The following DOCK3 variants were observed in gnomAD, a reference collection of about 807,000 sequenced individuals.
The protein encoded by DOCK3 is dedicator of cytokinesis protein 3.
DOCK3 carries 60 observed loss-of-function variants against 265.6 expected under a neutral mutation model. The ratio of observed to expected loss-of-function variants is 0.23; its 90% CI spans 0.18 to 0.28. The LOEUF (loss-of-function observed/expected upper bound fraction) is 0.28. Ranked by LOEUF, DOCK3 falls within the 10% of genes least tolerant of loss-of-function variation. DOCK3 has a pLI of 1.00. For synonymous variants in DOCK3, 881 were observed against 938.0 expected, an observed-to-expected ratio of 0.94 and a Z score of 1.11; for missense variants, 1,981 against 2,594.3, an observed-to-expected ratio of 0.76 and a Z score of 5.14.
intron 27 of DOCK3, among the ~76,000 whole-genome samples, chr3:51,298,703 G>C (rs1294044439): frequency 6.6e-6 from 1 of 152,084 alleles, no homozygotes; most frequent in East Asian, 1.9e-4. Flanking sequence ...GAGGATAATG[G>C]CTTCCAGCTC....
intron 1 of DOCK3, among the ~76,000 whole-genome samples, chr3:50,720,217 C>T (rs1027219858): frequency 6.6e-6 from 1 of 151,812 alleles, no homozygotes; most frequent in African/African-American, 2.4e-5. Context: ...GGAGGTTTGT[C>T]GTATGATTAT....
chr3:51,257,562 G>A (rs903132002), intron 22 of DOCK3, among the ~76,000 whole-genome samples: 1 of 152,132 alleles, frequency 6.6e-6, no homozygotes, highest in Admixed American at 6.6e-5. Flanking sequence ...TCTTCACAAG[G>A]CATTCCAAAA....
At chr3:50,940,432 G>A (rs912830315) in intron 5 of DOCK3, among the ~76,000 whole-genome samples, 3 of 152,012 alleles carry the variant, frequency 2.0e-5, no homozygotes, top group African/African-American at 2.4e-5. Context: ...GTATGCTCAC[G>A]GATTAGAAAA....
At chr3:51,280,919 T>G (rs1209286263) in intron 27 of DOCK3, among the ~76,000 whole-genome samples, 1 of 152,170 alleles carries the variant, frequency 6.6e-6, no homozygotes, top group African/African-American at 2.4e-5. Flanking sequence ...CTTTTGCTAT[T>G]CTTCAGGAAG....
At chr3:51,252,277 G>A (rs1199334618) in intron 22 of DOCK3, among the ~76,000 whole-genome samples, 1 of 152,236 alleles carries the variant, frequency 6.6e-6, no homozygotes, top group Non-Finnish European at 1.5e-5. Flanking sequence ...TTGTAGTATA[G>A]TTTGAAGTCA....
At chr3:50,829,894 T>C (rs994610436) in intron 2 of DOCK3, among the ~76,000 whole-genome samples, 1 of 152,356 alleles carries the variant, frequency 6.6e-6, no homozygotes, top group East Asian at 1.9e-4. Context: ...AGTTTTTTAA[T>C]GTACATTTAT....
At chr3:51,175,739 G>C (rs2086904851) in intron 12 of DOCK3, among the ~76,000 whole-genome samples, 1 of 152,152 alleles carries the variant, frequency 6.6e-6, no homozygotes, top group Admixed American at 6.5e-5. Context: ...GATGGGAGTG[G>C]GGGCCATCCT....
chr3:51,323,929 T>C (rs1158868110), intron 32 of DOCK3, among the ~76,000 whole-genome samples: 1 of 151,916 alleles, frequency 6.6e-6, no homozygotes, highest in Non-Finnish European at 1.5e-5. Flanking sequence ...CAAAATAGAA[T>C]AATAAGAGCT....
At chr3:51,210,160 G>A (rs1252647914) in intron 13 of DOCK3, among the ~76,000 whole-genome samples, 1 of 152,180 alleles carries the variant, frequency 6.6e-6, no homozygotes, top group Non-Finnish European at 1.5e-5. Context: ...TTAAAAGAGA[G>A]ATGATAGTAC....
At chr3:51,034,369 G>T (rs111799869) in intron 5 of DOCK3, among the ~76,000 whole-genome samples, 2,573 of 151,736 alleles carry the variant, frequency 0.017, 53 homozygotes, top group African/African-American at 0.042. Flanking sequence ...TATAATTTAT[G>T]TATCAGCTTT....
intron 5 of DOCK3, among the ~76,000 whole-genome samples, chr3:51,003,661 T>G (rs1386489697): frequency 2.0e-5 from 3 of 152,242 alleles, no homozygotes; most frequent in Non-Finnish European, 4.4e-5. Flanking sequence ...CTATCATTAA[T>G]CAGCTTCTCC....
intron 7 of DOCK3, among the ~76,000 whole-genome samples, chr3:51,085,131 G>A (rs901530267): frequency 5.3e-5 from 8 of 152,174 alleles, no homozygotes; most frequent in African/African-American, 1.7e-4. Context: ...GGATATAACA[G>A]TTGTAAATAT....
chr3:50,969,126 A>G (rs1338201327), intron 5 of DOCK3, among the ~76,000 whole-genome samples: 1 of 152,096 alleles, frequency 6.6e-6, no homozygotes, highest in African/African-American at 2.4e-5. Context: ...TCTTAGGTCA[A>G]GTAGTATTTG....
chr3:51,162,661 C>T (rs1258446825), intron 12 of DOCK3, among the ~76,000 whole-genome samples: 1 of 152,016 alleles, frequency 6.6e-6, no homozygotes, highest in East Asian at 1.9e-4. Context: ...TTATGCCTTC[C>T]TTGTTTTGGT....
intron 3 of DOCK3, chr3:50,877,347 GCATTGTA>G (rs1262400470): frequency 4.4e-6 from 2 of 453,914 alleles, no homozygotes; most frequent in East Asian, 1.2e-4. Flanking sequence ...ACTTCTTTCA[GCATTGTA>G]CTAGTATCTT....
At chr3:51,347,631 C>T (rs6445637) in intron 38 of DOCK3, among the ~76,000 whole-genome samples, 135,275 of 152,224 alleles carry the variant, frequency 0.89, 60,266 homozygotes, top group African/African-American at 0.94. Flanking sequence ...GGCTCTTTTT[C>T]AGTTCCATAT....
intron 1 of DOCK3, among the ~76,000 whole-genome samples, chr3:50,702,558 G>T (rs1021643347): frequency 6.6e-6 from 1 of 151,858 alleles, no homozygotes; most frequent in Non-Finnish European, 1.5e-5. Flanking sequence ...TAGTAGAGAT[G>T]GGGTTTCACC....
At chr3:51,160,159 CTG>C (rs934954489) in intron 11 of DOCK3, among the ~76,000 whole-genome samples, 1 of 152,226 alleles carries the variant, frequency 6.6e-6, no homozygotes, top group African/African-American at 2.4e-5. Flanking sequence ...TCCTCCTTGT[CTG>C]TGCATATGCA....
chr3:51,321,761 A>G (rs2083744482), intron 32 of DOCK3, among the ~76,000 whole-genome samples: 1 of 152,206 alleles, frequency 6.6e-6, no homozygotes, highest in Non-Finnish European at 1.5e-5. Flanking sequence ...AAATAAAGCA[A>G]GAAGACAAGA....
Sources: gnomAD v4.1 joint callset for allele counts (sites outside exome capture counted in the v4.1 genomes callset) on GRCh38, gnomAD v4.1.1 for gene constraint, MANE v1.5 for transcripts, NCBI Gene and HGNC (gene_info 2026-07-23, HGNC 2026-07-21) for gene names.